The following AK2 variants were observed in gnomAD, a reference collection of about 807,000 sequenced individuals.
AK2 encodes adenylate kinase 2.
In AK2, 15 loss-of-function variants were observed where a neutral mutation model predicts 24.6. The observed-to-expected ratio is 0.61, with a 90% CI of 0.41 to 0.94. The LOEUF (loss-of-function observed/expected upper bound fraction) is 0.94, where lower values mean the gene tolerates loss of function less well. Ranked by LOEUF, AK2 falls within the 40% of genes least tolerant of loss-of-function variation. The pLI is 0.00. For missense variants in AK2, 257 were observed against 304.1 expected (o/e 0.85, Z 1.15); for synonymous variants, 102 against 114.0 (o/e 0.90, Z 0.67).
In AK2 at chr1:33,012,452, G is replaced by A. The variant is rs1401377423; in HGVS notation, c.*729C>T. ...TGTCCATAATGTGCCATCAGGAACT[G>A]TGACCCTGCCTGACTTCACATGATC... On this transcript the variant is annotated 3_prime_UTR_variant, in exon 6 of 6. Coordinates refer to ENST00000672715, the MANE Select transcript of AK2 (RefSeq NM_001625.4). 1 of 1,437,912 alleles carries A rather than the reference G, an allele frequency of 7.0e-7. No homozygotes were observed. Among genetic ancestry groups the A allele is most frequent in the East Asian group, 3.2e-5 (1 of 31,448 alleles). 89.1% of individuals were successfully genotyped at this position (1,437,912 alleles called of 1,614,324 possible).
chr1:33,012,075 C>T lies in AK2; in HGVS notation c.*1106G>A. On this transcript the variant is annotated 3_prime_UTR_variant, in exon 6 of 6. Coordinates refer to ENST00000672715, the MANE Select transcript of AK2 (RefSeq NM_001625.4). Reference sequence around the variant, plus strand: ...AAAAATAAAAGCAAATAAACCTACCCTGGTCTCTTTTTGGGGAAGTAGATT... The same window carrying T: ...AAAAATAAAAGCAAATAAACCTACCTTGGTCTCTTTTTGGGGAAGTAGATT... The T allele has an allele frequency of 6.5e-7, 1 of 1,535,440 alleles. No homozygotes were observed. Among genetic ancestry groups the T allele is most frequent in the South Asian group, 1.2e-5 (1 of 84,048 alleles).
At chr1:33,013,575 C>A (rs1638987573) in intron 5 of AK2, among the ~76,000 whole-genome samples, 173 bp from the exon 6 acceptor site, 1 of 152,204 alleles carries the variant, frequency 6.6e-6, no homozygotes, top group African/African-American at 2.4e-5. Context: ...AACTTTGCTA[C>A]TCCCAGGAGC....
intron 4 of AK2, among the ~76,000 whole-genome samples, chr1:33,016,429 T>G (rs1412482711): frequency 6.6e-6 from 1 of 152,074 alleles, no homozygotes; most frequent in African/African-American, 2.4e-5. Context: ...GCCAGGATGG[T>G]CTCGATCTCC....
chr1:33,024,397 T>C, intron 2 of AK2, 45 bp downstream of exon 2: 1 of 1,611,980 alleles, frequency 6.2e-7, no homozygotes, highest in Non-Finnish European at 8.5e-7. Context: ...AGTGCAGATC[T>C]AGATTCTGAG....
chr1:33,033,924 G>A (rs3766811), intron 1 of AK2, among the ~76,000 whole-genome samples: 54,120 of 151,708 alleles, frequency 0.36, 10,319 homozygotes, highest in African/African-American at 0.49. Flanking sequence ...CCCAGGCTGG[G>A]GCGCAATGGT....
In AK2 at chr1:33,010,830, T is replaced by G. The variant is rs1557606798; in HGVS notation, c.*2351A>C. The G allele has an allele frequency of 6.2e-7, 1 of 1,612,924 alleles. No individual in the cohort carries two copies. The highest frequency in any genetic ancestry group is 1.1e-5 in the South Asian group (1 of 91,022). ...GCAGTCTCGCCTGGCCTTCTGATAC[T>G]AGGCTGAAATAGAGAGGAAACAAGA... On this transcript the variant is annotated 3_prime_UTR_variant, in exon 6 of 6. Transcript: ENST00000672715.
Position 33,024,562 on chromosome 1 carries a change from G to C in AK2, c.99C>G (p.Pro33=). The C allele has an allele frequency of 6.2e-7, 1 of 1,614,140 alleles. No homozygotes were observed. Among genetic ancestry groups the C allele is most frequent in the Non-Finnish European group, 8.5e-7 (1 of 1,180,010 alleles). Residue 33 remains proline (P), a synonymous_variant, in exon 2 of 6, where the codon CCC becomes CCG. Coordinates refer to ENST00000672715, the MANE Select transcript of AK2 (RefSeq NM_001625.4). The part of the protein sequence containing the change: ...PPGAGKGTQA[P]RLAENFCVCH... The stretch of plus-strand genomic sequence containing the variant: ...AGACACAGAAGTTTTCAGCCAATCT[G>C]GGTGCCTACAGAGAGGAAGACAAAA...
chr1:33,024,650 C>A (rs1639761330), intron 1 of AK2, 83 bp from the exon 2 acceptor site: 3 of 1,567,778 alleles, frequency 1.9e-6, no homozygotes, highest in Non-Finnish European at 2.6e-6. Flanking sequence ...CCTGGCCCTG[C>A]CACTTACTGG....
At chr1:33,032,709 T>C (rs10914649) in intron 1 of AK2, among the ~76,000 whole-genome samples, 33,095 of 152,104 alleles carry the variant, frequency 0.22, 4,471 homozygotes, top group Admixed American at 0.36. Context: ...TGTGAAGTAG[T>C]TGGGCCAAAA....
rs1283627903 is a variant in AK2 at position 33,012,534 on chromosome 1, C to T, written c.*647G>A. ...GAAATACTATGAGGTTCTGGAATTGCGGTCCCTGGAAGATTACCTGGGTTA... is the reference window on the plus strand; with the variant it reads ...GAAATACTATGAGGTTCTGGAATTGTGGTCCCTGGAAGATTACCTGGGTTA... On this transcript the variant is annotated 3_prime_UTR_variant, in exon 6 of 6. Transcript: ENST00000672715. The T allele has an allele frequency of 1.2e-5, 16 of 1,323,630 alleles. No homozygotes were observed. The highest frequency in any genetic ancestry group is 3.0e-5 in the African/African-American group (2 of 67,390). The allele number at this position is 1,323,630 out of a possible 1,614,324, so 82.0% of individuals were successfully genotyped here. A position where few individuals can be genotyped will look rare whatever the true frequency, so the allele number is the denominator to read the frequency against.
rs1638819253 is a variant in AK2, at chr1:33,011,532, TCA to T, written c.*1647_*1648del. 1 of 1,287,380 alleles carries T rather than the reference TCA, an allele frequency of 7.8e-7. No individual in the cohort carries two copies. The highest frequency in any genetic ancestry group is 1.0e-6 in the Non-Finnish European group (1 of 988,916). 79.7% of individuals were successfully genotyped at this position (1,287,380 alleles called of 1,614,324 possible). ...ACAGCAGATAAGACCTCTGGTAGTC[TCA>T]CAGATGGCAGGAGAGCTCAGGTCAG... is the stretch of plus-strand genomic sequence containing the variant. On this transcript the variant is annotated 3_prime_UTR_variant, in exon 6 of 6. Transcript: ENST00000672715.
chr1:33,016,342 G>A (rs1330192679), intron 4 of AK2, among the ~76,000 whole-genome samples: 1 of 152,104 alleles, frequency 6.6e-6, no homozygotes, highest in Non-Finnish European at 1.5e-5. Flanking sequence ...CTCCCAAGTA[G>A]CTGGGACTAC....
At chr1:33,033,998 T>C (rs1640413761) in intron 1 of AK2, among the ~76,000 whole-genome samples, 1 of 152,142 alleles carries the variant, frequency 6.6e-6, no homozygotes, top group South Asian at 2.1e-4. Context: ...CTCAGCCTCC[T>C]GAATAGCTGG....
chr1:33,036,751 G>T lies in AK2; in HGVS notation c.78C>A (p.Ala26=). ...TGCCGCTCACCTGGGTCCCTTTACC[G>T]GCCCCGGGAGGCCCCAGCAGCACGG... is the stretch of plus-strand genomic sequence containing the variant. ...IRAVLLGPPG[A]GKGTQAPRLA... is the part of the protein sequence containing the mutation. The change falls in exon 1 of 6, where the codon GCC becomes GCA. Residue 26 remains alanine (A), a synonymous_variant. Coordinates refer to ENST00000672715, the MANE Select transcript of AK2 (RefSeq NM_001625.4). 6.3e-7 allele frequency: 1 copy of T among 1,592,150 alleles called. No individual in the cohort carries two copies.
rs531278826 is a variant in AK2 at position 33,035,381 on chromosome 1, C to T, written c.93+1355G>A. ...CCACTTCCACTAACCCCATCAAGGG[C>T]CAAGTAATGTGCTAGGTGCCACAAG... On this transcript the variant is annotated intron_variant, in intron 1 of 5. Transcript: ENST00000672715. Among the ~76,000 whole-genome samples the T allele has an allele frequency of 2.0e-5, 3 of 152,288 alleles. No homozygotes were observed. In the South Asian group the frequency reaches 6.2e-4, roughly 32 times the overall value.
intron 4 of AK2, chr1:33,019,882 A>G: frequency 1.5e-6 from 2 of 1,341,406 alleles, no homozygotes; most frequent in South Asian, 1.9e-5. Context: ...AATATTACAC[A>G]GCAATTAAAA....
At chr1:33,026,201 T>C (rs554789266) in intron 1 of AK2, among the ~76,000 whole-genome samples, 1 of 152,294 alleles carries the variant, frequency 6.6e-6, no homozygotes, top group South Asian at 2.1e-4. Context: ...TTTTCTTTCT[T>C]TCTTTCTTTT....
chr1:33,020,203 ACACAC>A, intron 4 of AK2: 1 of 1,224,302 alleles, frequency 8.2e-7, no homozygotes. Flanking sequence ...ACACACACAC[ACACAC>A]ACACACACAC....
At chr1:33,021,331 G>T in intron 4 of AK2, 36 bp downstream of exon 4, 1 of 1,567,350 alleles carries the variant, frequency 6.4e-7, no homozygotes, top group South Asian at 1.1e-5. Flanking sequence ...AGAAAGCTCT[G>T]AGAAGCATGA....
Sources: gnomAD v4.1 joint callset for allele counts (sites outside exome capture counted in the v4.1 genomes callset) on GRCh38, gnomAD v4.1.1 for gene constraint, MANE v1.5 for transcripts, NCBI Gene and HGNC (gene_info 2026-07-23, HGNC 2026-07-21) for gene names.